Variants in CNTNAP2 observed in about 807,000 individuals in gnomAD.
The protein encoded by CNTNAP2 is contactin-associated protein-like 2.
Under a neutral mutation model 155.2 loss-of-function variants are expected in CNTNAP2, and 98 were observed. That is an observed-to-expected ratio of 0.63 (90% confidence interval 0.54 to 0.75). The LOEUF (loss-of-function observed/expected upper bound fraction) is 0.75, where lower values mean the gene tolerates loss of function less well. Ranked by LOEUF, CNTNAP2 falls within the 30% of genes least tolerant of loss-of-function variation. CNTNAP2 has a pLI of 0.00. For synonymous variants in CNTNAP2, 651 were observed against 631.2 expected, an observed-to-expected ratio of 1.03 and a Z score of -0.47; for missense variants, 1,727 against 1,688.1, an observed-to-expected ratio of 1.02 and a Z score of -0.40.
At chr7:146,665,789 A>AAAAAAAAAAAAAAAAAAAAAAAAAAC (rs1408460775) in intron 1 of CNTNAP2, among the ~76,000 whole-genome samples, 2 of 146,794 alleles carry the variant, frequency 1.4e-5, no homozygotes, top group East Asian at 2.0e-4. Context: ...TCATTAAAAA[A>AAAAAAAAAAAAAAAAAAAAAAAAAAC]AAAAAAAAAT....
intron 2 of CNTNAP2, among the ~76,000 whole-genome samples, chr7:146,822,712 CACTTAAATATATAT>C (rs985742875): frequency 1.0e-4 from 14 of 135,172 alleles, no homozygotes; most frequent in Admixed American, 3.9e-4. Context: ...CTTAAGTATA[CACTTAAATATATAT>C]ACTTAAGTAT....
chr7:147,392,005 C>T (rs138766448), intron 9 of CNTNAP2, among the ~76,000 whole-genome samples: 7 of 152,160 alleles, frequency 4.6e-5, no homozygotes, highest in African/African-American at 1.4e-4. Flanking sequence ...AGAAGATGCC[C>T]GATGGCTCCT....
In CNTNAP2 at chr7:146,558,906, C is replaced by T. The variant is rs60012961; in HGVS notation, c.98-215365C>T. On this transcript the variant is annotated intron_variant, in intron 1 of 23. Transcript: ENST00000361727. ...AGCACAATGTCTACAAGATTCATCT[C>T]TGTTGCCTGAGTGTGGGATTTTGAT... Among the ~76,000 whole-genome samples, 1,298 of 152,292 alleles carry T rather than the reference C, an allele frequency of 8.5e-3. 12 individuals are homozygous for T. The highest frequency in any genetic ancestry group is 0.03 in the African/African-American group (1,234 of 41,566).
intron 1 of CNTNAP2, among the ~76,000 whole-genome samples, chr7:146,558,362 G>A (rs1798227679): frequency 6.6e-6 from 1 of 152,094 alleles, no homozygotes; most frequent in South Asian, 2.1e-4. Flanking sequence ...AGGTTATTAG[G>A]AATCAGCATA....
chr7:148,149,551 G>A (rs990641771), intron 17 of CNTNAP2, among the ~76,000 whole-genome samples: 1 of 152,090 alleles, frequency 6.6e-6, no homozygotes, highest in Non-Finnish European at 1.5e-5. Context: ...AAATGTGCGT[G>A]TGTGTGTGTT....
intron 1 of CNTNAP2, among the ~76,000 whole-genome samples, chr7:146,363,447 A>G (rs911661035): frequency 5.3e-5 from 8 of 152,226 alleles, no homozygotes; most frequent in Non-Finnish European, 1.0e-4. Flanking sequence ...CAGAGAAATC[A>G]TTGTTAGAAC....
At chr7:148,339,974 A>AGTGTGTGTGT (rs10603520) in intron 21 of CNTNAP2, among the ~76,000 whole-genome samples, 9,560 of 144,770 alleles carry the variant, frequency 0.066, 362 homozygotes, top group African/African-American at 0.086. Context: ...TCCTTCGTGC[A>AGTGTGTGTGT]GTGTGTGTGT....
chr7:148,403,680 T>C (rs772602418), intron 22 of CNTNAP2, among the ~76,000 whole-genome samples: 1 of 152,194 alleles, frequency 6.6e-6, no homozygotes, highest in Non-Finnish European at 1.5e-5. Context: ...TCTCCGTTTT[T>C]CTCTGTGCGC....
At chr7:146,235,213 C>G (rs535241169) in intron 1 of CNTNAP2, among the ~76,000 whole-genome samples, 3 of 151,456 alleles carry the variant, frequency 2.0e-5, no homozygotes, top group Admixed American at 2.0e-4. Context: ...ACTTATTTTT[C>G]CTTTCTACAT....
rs186317994 is a variant in CNTNAP2 at position 148,277,337 on chromosome 7, C to T, written c.3475+10211C>T. ...CTCAGGCAGTGTTCCCAGGGAGCACCTGCCATCCTGCCCTTTGCTTACTTG... is the reference window on the plus strand; with the variant it reads ...CTCAGGCAGTGTTCCCAGGGAGCACTTGCCATCCTGCCCTTTGCTTACTTG... On this transcript the variant is annotated intron_variant, in intron 21 of 23. Transcript: ENST00000361727. Among the ~76,000 whole-genome samples, 4 of 152,222 alleles carry T rather than the reference C, an allele frequency of 2.6e-5. No individual in the cohort carries two copies. In the East Asian group the frequency reaches 7.7e-4, roughly 29 times the overall value.
chr7:146,904,184 C>A (rs1347075026), intron 3 of CNTNAP2, among the ~76,000 whole-genome samples: 1 of 152,110 alleles, frequency 6.6e-6, no homozygotes, highest in Non-Finnish European at 1.5e-5. Flanking sequence ...TTACTCGTCT[C>A]CATTCACACT....
intron 9 of CNTNAP2, among the ~76,000 whole-genome samples, chr7:147,337,484 G>C (rs1490099624): frequency 2.6e-5 from 4 of 152,130 alleles, no homozygotes; most frequent in African/African-American, 7.2e-5. Flanking sequence ...CTACAAGTGA[G>C]AAAGGGGCCA....
At chr7:147,116,434 A>T (rs1800990702) in intron 5 of CNTNAP2, among the ~76,000 whole-genome samples, 1 of 152,046 alleles carries the variant, frequency 6.6e-6, no homozygotes, top group African/African-American at 2.4e-5. Flanking sequence ...GAGAAGCCTG[A>T]ATGTCCAAGT....
intron 1 of CNTNAP2, among the ~76,000 whole-genome samples, chr7:146,336,789 A>C (rs1378537841): frequency 6.6e-6 from 1 of 152,172 alleles, no homozygotes; most frequent in African/African-American, 2.4e-5. Context: ...GAACAACAAA[A>C]GTGTTGTTAG....
chr7:147,187,489 T>A (rs1269851185), intron 8 of CNTNAP2, among the ~76,000 whole-genome samples: 1 of 152,168 alleles, frequency 6.6e-6, no homozygotes, highest in Non-Finnish European at 1.5e-5. Flanking sequence ...GAGGCCATTA[T>A]GCTAAGTGAA....
chr7:148,413,447 TTGC>T (rs1799901318), intron 23 of CNTNAP2, among the ~76,000 whole-genome samples: 1 of 116,154 alleles, frequency 8.6e-6, no homozygotes, highest in African/African-American at 3.5e-5. Flanking sequence ...TATATATATA[TTGC>T]TCCATAGTTT....
Position 147,347,477 on chromosome 7 carries a change from C to CATAT in CNTNAP2, c.1498+47198_1498+47201dup, listed in dbSNP as rs376714937. 2.0e-4 allele frequency among the ~76,000 whole-genome samples: 6 copies of CATAT among 30,176 alleles called. No individual in the cohort carries two copies. In the East Asian group the frequency reaches 2.8e-3, roughly 14 times the overall value. The allele number at this position is 30,176 out of a possible 152,430, so 19.8% of individuals were successfully genotyped here. On this transcript the variant is annotated intron_variant, in intron 9 of 23. Coordinates refer to ENST00000361727, the MANE Select transcript of CNTNAP2 (RefSeq NM_014141.6). ...ATATGCATATATATATATATATATG[C>CATAT]ATATATATATATATGCATATATATG...
At chr7:148,374,854 A>C (rs1331520571) in intron 21 of CNTNAP2, among the ~76,000 whole-genome samples, 1 of 152,244 alleles carries the variant, frequency 6.6e-6, no homozygotes, top group African/African-American at 2.4e-5. Context: ...TGGGATTCGA[A>C]GAAGTCAAAT....
chr7:146,192,688 A>G (rs1798724212), intron 1 of CNTNAP2, among the ~76,000 whole-genome samples: 3 of 152,214 alleles, frequency 2.0e-5, no homozygotes. Context: ...GGGTGGGGAC[A>G]CAGCAAAACC....
Sources: gnomAD v4.1 joint callset for allele counts (sites outside exome capture counted in the v4.1 genomes callset) on GRCh38, gnomAD v4.1.1 for gene constraint, MANE v1.5 for transcripts, NCBI Gene and HGNC (gene_info 2026-07-23, HGNC 2026-07-21) for gene names.